NAALADL2: variants seen among roughly 807,000 people sequenced by gnomAD.
NAALADL2 encodes the protein N-acetylated alpha-linked acidic dipeptidase like 2.
A neutral mutation model predicts 87.2 loss-of-function variants in NAALADL2; 76 were observed. The observed-to-expected ratio is 0.87, with a 90% CI of 0.72 to 1.05. The LOEUF (loss-of-function observed/expected upper bound fraction) is 1.05. NAALADL2 is among the 50% of genes least tolerant of loss of function. The pLI is 0.00. For synonymous variants in NAALADL2, 354 were observed against 331.0 expected, an observed-to-expected ratio of 1.07 and a Z score of -0.75; for missense variants, 1,089 against 945.8, an observed-to-expected ratio of 1.15 and a Z score of -1.99.
chr3:174,804,498 G>A lies in NAALADL2; in HGVS notation c.-9+66752G>A, dbSNP rs150249654. Among the ~76,000 whole-genome samples the A allele has an allele frequency of 6.5e-3, 986 of 152,110 alleles. 9 individuals carry two copies. Among genetic ancestry groups the A allele is most frequent in the Middle Eastern group, 0.024 (7 of 294 alleles). On this transcript the variant is annotated intron_variant, in intron 3 of 3. Coordinates refer to the NAALADL2 transcript ENST00000434257. ...GATTGCCCTAGCCAGAACTTCCAAC[G>A]CTATGTTGAATAGGAGTGGTGAGAG...
rs1012608034 is a variant in NAALADL2, at chr3:175,808,017, A to T, written c.*4814A>T. 5 of 151,922 alleles carry T rather than the reference A, an allele frequency of 3.3e-5. No individual in the cohort carries two copies. Among genetic ancestry groups the T allele is most frequent in the Admixed American group, 2.0e-4 (3 of 15,192 alleles). 9.4% of individuals were successfully genotyped at this position (151,922 alleles called of 1,614,324 possible). ...TTCTGTTTTCTAGGTACACTCTAGC[A>T]TTGTAACTTTTTCCCCCTGAGAAGT... On this transcript the variant is annotated 3_prime_UTR_variant, in exon 14 of 14. Coordinates refer to ENST00000454872, the MANE Select transcript of NAALADL2 (RefSeq NM_207015.3).
At chr3:175,512,215 G>C (rs2149396934) in intron 9 of NAALADL2, among the ~76,000 whole-genome samples, 1 of 152,144 alleles carries the variant, frequency 6.6e-6, no homozygotes, top group African/African-American at 2.4e-5. Context: ...TCCAGCTTGG[G>C]GGCAACACAG....
intron 9 of NAALADL2, among the ~76,000 whole-genome samples, chr3:175,556,118 T>C (rs80320984): frequency 0.025 from 3,791 of 152,196 alleles, 139 homozygotes; most frequent in African/African-American, 0.084. Flanking sequence ...CCATACAGTA[T>C]AAGGGGAGGT....
intron 13 of NAALADL2, among the ~76,000 whole-genome samples, chr3:175,772,808 G>C (rs185063941): frequency 1.3e-5 from 2 of 152,192 alleles, no homozygotes; most frequent in African/African-American, 2.4e-5. Context: ...GATCCTTCCC[G>C]CTGTTGTAAC....
intron 11 of NAALADL2, among the ~76,000 whole-genome samples, chr3:175,691,222 A>G (rs1736992312): frequency 6.6e-6 from 1 of 150,886 alleles, no homozygotes; most frequent in South Asian, 2.1e-4. Context: ...ATGTGTATAT[A>G]TATTTATCTC....
intron 1 of NAALADL2, among the ~76,000 whole-genome samples, chr3:174,977,787 G>T (rs10936819): frequency 0.51 from 76,685 of 151,806 alleles, 19,863 homozygotes; most frequent in Non-Finnish European, 0.58. Context: ...TAAAAATATT[G>T]AACCACAAAT....
rs549711289 is a variant in NAALADL2 at position 175,364,634 on chromosome 3, C to T, written c.1090+40309C>T. Among the ~76,000 whole-genome samples the T allele has an allele frequency of 6.1e-5, 9 of 147,816 alleles. 1 individual carries two copies. The highest frequency in any genetic ancestry group is 2.2e-4 in the African/African-American group (9 of 40,810). The stretch of plus-strand genomic sequence containing the variant: ...AGACCCAAGCTTGATGTTCCCAAAA[C>T]ACATCTACTCCCACCAGTTCCTTCT... On this transcript the variant is annotated intron_variant, in intron 5 of 13. Transcript: ENST00000454872.
chr3:174,457,541 A>T (rs1715922107), intron 1 of NAALADL2, among the ~76,000 whole-genome samples: 1 of 152,118 alleles, frequency 6.6e-6, no homozygotes, highest in Non-Finnish European at 1.5e-5. Context: ...AAAGAGTGAG[A>T]TCATCCGGGC....
chr3:174,947,833 AATT>A (rs1046743336), intron 1 of NAALADL2, among the ~76,000 whole-genome samples: 49 of 151,980 alleles, frequency 3.2e-4, no homozygotes, highest in African/African-American at 1.0e-3. Context: ...AAATTATTAT[AATT>A]ATTATTTCAA....
At chr3:174,752,019 C>A (rs1734879518) in intron 3 of NAALADL2, among the ~76,000 whole-genome samples, 1 of 151,736 alleles carries the variant, frequency 6.6e-6, no homozygotes, top group Non-Finnish European at 1.5e-5. Context: ...GCTCTGTTGC[C>A]CAGGCTGGAG....
At chr3:175,071,433 C>T (rs1339167184) in intron 1 of NAALADL2, among the ~76,000 whole-genome samples, 2 of 152,052 alleles carry the variant, frequency 1.3e-5, no homozygotes, top group African/African-American at 4.8e-5. Context: ...GGAAGTCATT[C>T]TTTTCTCTTT....
intron 5 of NAALADL2, among the ~76,000 whole-genome samples, chr3:175,364,319 C>T (rs539514502): frequency 1.4e-5 from 2 of 147,656 alleles, no homozygotes; most frequent in South Asian, 2.2e-4. Context: ...CACTTTAAGA[C>T]CATCAGTGGT....
At chr3:175,223,085 ATAGT>A (rs1743621702) in intron 2 of NAALADL2, among the ~76,000 whole-genome samples, 1 of 120,642 alleles carries the variant, frequency 8.3e-6, no homozygotes, top group African/African-American at 2.9e-5. Context: ...ATCACTACCC[ATAGT>A]TACTCTGTGT....
chr3:174,527,257 A>G (rs1225295300), intron 1 of NAALADL2, among the ~76,000 whole-genome samples: 1 of 152,150 alleles, frequency 6.6e-6, no homozygotes, highest in African/African-American at 2.4e-5. Context: ...GCAGTGGGTC[A>G]GGCCTGCAAT....
intron 11 of NAALADL2, among the ~76,000 whole-genome samples, chr3:175,654,382 C>G (rs1224756202): frequency 6.6e-6 from 1 of 152,168 alleles, no homozygotes; most frequent in African/African-American, 2.4e-5. Context: ...AGCAGCTTCT[C>G]TTGTTATCCT....
intron 9 of NAALADL2, among the ~76,000 whole-genome samples, chr3:175,545,802 G>T (rs1713212253): frequency 6.6e-6 from 1 of 152,074 alleles, no homozygotes; most frequent in Admixed American, 6.6e-5. Flanking sequence ...TCTGCACATA[G>T]AAAAGTTTAC....
intron 2 of NAALADL2, among the ~76,000 whole-genome samples, chr3:174,628,267 G>C (rs927868006): frequency 3.3e-5 from 5 of 151,970 alleles, no homozygotes; most frequent in Non-Finnish European, 5.9e-5. Context: ...CATGAGGTCA[G>C]GAGTTTGAGA....
intron 2 of NAALADL2, among the ~76,000 whole-genome samples, chr3:175,163,271 A>T (rs569887975): frequency 6.6e-6 from 1 of 152,240 alleles, no homozygotes; most frequent in African/African-American, 2.4e-5. Flanking sequence ...CAAAGTTCAG[A>T]ATAATTATGT....
chr3:174,516,279 G>A (rs573548185), intron 1 of NAALADL2, among the ~76,000 whole-genome samples: 13 of 151,906 alleles, frequency 8.6e-5, no homozygotes, highest in Admixed American at 2.6e-4. Flanking sequence ...TAAAATCTTC[G>A]TTGTTCAGAT....
Sources: allele counts gnomAD v4.1 joint callset (sites outside exome capture counted in the v4.1 genomes callset), GRCh38; gene constraint gnomAD v4.1.1; transcripts MANE v1.5; gene names NCBI Gene and HGNC (gene_info 2026-07-23, HGNC 2026-07-21).